NUMB: variants seen among roughly 807,000 people sequenced by gnomAD.
NUMB encodes the protein protein numb homolog.
Under a neutral mutation model 59.7 loss-of-function variants are expected in NUMB, and 29 were observed. That is an observed-to-expected ratio of 0.49 (90% CI 0.36 to 0.66). The LOEUF is 0.66. Ranked by LOEUF, NUMB falls within the 30% of genes least tolerant of loss-of-function variation. NUMB has a pLI of 0.00. For missense variants in NUMB, 723 were observed against 822.0 expected (o/e 0.88, Z 1.47); for synonymous variants, 288 against 288.2 (o/e 1.00, Z 0.01).
At chr14:73,417,558 A>G (rs1276449627) in intron 1 of NUMB, among the ~76,000 whole-genome samples, 4 of 152,118 alleles carry the variant, frequency 2.6e-5, no homozygotes, top group African/African-American at 9.7e-5. Context: ...TCTCAAAAAA[A>G]AAAAAAGGTA....
At chr14:73,402,998 G>A (rs1199397157) in intron 2 of NUMB, among the ~76,000 whole-genome samples, 1 of 152,080 alleles carries the variant, frequency 6.6e-6, no homozygotes, top group Non-Finnish European at 1.5e-5. Flanking sequence ...TACTCAAAAG[G>A]CCATTCCCAA....
intron 11 of NUMB, 59 bp from the exon 12 acceptor site, chr14:73,279,483 C>G: frequency 6.7e-7 from 1 of 1,486,042 alleles, no homozygotes; most frequent in Non-Finnish European, 9.0e-7. Context: ...ACAAGTGACC[C>G]CTTGGAGCTG....
At chr14:73,390,810 C>T (rs533015269) in intron 2 of NUMB, among the ~76,000 whole-genome samples, 2 of 151,462 alleles carry the variant, frequency 1.3e-5, no homozygotes, top group South Asian at 2.1e-4. Flanking sequence ...CCACCACGCC[C>T]GGCTAATTTT....
At chr14:73,446,874 A>G (rs767394671) in intron 1 of NUMB, among the ~76,000 whole-genome samples, 11 of 152,030 alleles carry the variant, frequency 7.2e-5, no homozygotes, top group Non-Finnish European at 1.5e-4. Context: ...CCCCAGTTCT[A>G]TTTTTAAATA....
intron 11 of NUMB, among the ~76,000 whole-genome samples, chr14:73,280,686 ATTTTT>A (rs397852698): frequency 1.1e-5 from 1 of 87,720 alleles, no homozygotes; most frequent in East Asian, 3.3e-4. Context: ...TGTTGGTACT[ATTTTT>A]TTTTTTTTTT....
chr14:73,379,506 A>G (rs1895127898), intron 2 of NUMB, among the ~76,000 whole-genome samples: 1 of 152,258 alleles, frequency 6.6e-6, no homozygotes, highest in Non-Finnish European at 1.5e-5. Context: ...TGAGACATAT[A>G]AAGAAAAATC....
chr14:73,420,953 A>G (rs1361693565), intron 1 of NUMB, among the ~76,000 whole-genome samples: 1 of 152,194 alleles, frequency 6.6e-6, no homozygotes, highest in Non-Finnish European at 1.5e-5. Flanking sequence ...CATAAGCAAG[A>G]ATATTTTTGT....
Position 73,304,769 on chromosome 14 carries a change from G to GT in NUMB, c.235-7485dup, listed in dbSNP as rs574547847. ...GAGTTGGAGGAATGAGTTTTGTTTT[G>GT]TTTTTTTTGAGGCAGAGTCTTGCTC... On this transcript the variant is annotated intron_variant, in intron 6 of 12. Transcript: ENST00000555238. 6.4e-3 allele frequency among the ~76,000 whole-genome samples: 977 copies of GT among 151,764 alleles called. 4 individuals are homozygous for GT. The highest frequency in any genetic ancestry group is 0.011 in the Non-Finnish European group (719 of 67,896).
At chr14:73,389,142 G>A (rs1372243416) in intron 2 of NUMB, among the ~76,000 whole-genome samples, 4 of 145,462 alleles carry the variant, frequency 2.7e-5, no homozygotes, top group Non-Finnish European at 4.5e-5. Flanking sequence ...GTGGTGGTGC[G>A]CACCTGTACT....
At chr14:73,410,890 G>A (rs1223675176) in intron 1 of NUMB, among the ~76,000 whole-genome samples, 5 of 152,170 alleles carry the variant, frequency 3.3e-5, no homozygotes, top group Non-Finnish European at 5.9e-5. Flanking sequence ...TACCCAAAAC[G>A]TAAGATTAGT....
intron 2 of NUMB, among the ~76,000 whole-genome samples, chr14:73,373,705 CTTTTTTTTTT>C: frequency 7.8e-6 from 1 of 127,718 alleles, no homozygotes; most frequent in South Asian, 2.6e-4. Context: ...GGAAAGCTTC[CTTTTTTTTTT>C]TTTTTTTTTT....
chr14:73,280,111 C>T (rs1888512218), intron 11 of NUMB, among the ~76,000 whole-genome samples: 3 of 152,020 alleles, frequency 2.0e-5, no homozygotes, highest in African/African-American at 7.2e-5. Context: ...GAGCCTAGAT[C>T]ACACCACTGC....
rs771794534 is a variant in NUMB, at chr14:73,312,121, C to T, written c.234+4269G>A. 1.1e-3 allele frequency among the ~76,000 whole-genome samples: 165 copies of T among 152,302 alleles called. 2 individuals carry two copies. The highest frequency in any genetic ancestry group is 3.2e-3 in the Admixed American group (49 of 15,296). Reference sequence around the variant, plus strand: ...TAACATAAGAAAAGAATTCTGGGTGCTGTGGCTCATGCCTGTAATCCCAGC... The same window carrying T: ...TAACATAAGAAAAGAATTCTGGGTGTTGTGGCTCATGCCTGTAATCCCAGC... On this transcript the variant is annotated intron_variant, in intron 6 of 12. Transcript: ENST00000555238.
chr14:73,423,790 T>A (rs1897460177), intron 1 of NUMB, among the ~76,000 whole-genome samples: 2 of 150,698 alleles, frequency 1.3e-5, no homozygotes, highest in South Asian at 2.1e-4. Context: ...AGCCTGGGCG[T>A]CAGAGCAAGA....
intron 1 of NUMB, among the ~76,000 whole-genome samples, chr14:73,444,645 G>A (rs1883330317): frequency 6.6e-6 from 1 of 151,776 alleles, no homozygotes; most frequent in African/African-American, 2.4e-5. Context: ...AGATCACAAG[G>A]TCAAGAGATC....
intron 1 of NUMB, among the ~76,000 whole-genome samples, chr14:73,435,908 AT>A (rs910571437): frequency 6.6e-6 from 1 of 151,618 alleles, no homozygotes; most frequent in Non-Finnish European, 1.5e-5. Context: ...TGGGAGGCTG[AT>A]GTGAGAGAAT....
chr14:73,317,680 A>G (rs568191500), intron 5 of NUMB, among the ~76,000 whole-genome samples: 2 of 152,222 alleles, frequency 1.3e-5, no homozygotes, highest in Non-Finnish European at 2.9e-5. Flanking sequence ...TGGATAACAG[A>G]GGCATAACTA....
chr14:73,283,995 G>C, intron 10 of NUMB, 86 bp downstream of exon 10: 2 of 1,272,200 alleles, frequency 1.6e-6, no homozygotes, highest in Non-Finnish European at 2.2e-6. Context: ...GGAATGCCTA[G>C]TTTAATGGGA....
At chr14:73,395,488 G>A (rs538930502) in intron 2 of NUMB, among the ~76,000 whole-genome samples, 1 of 152,164 alleles carries the variant, frequency 6.6e-6, no homozygotes, top group African/African-American at 2.4e-5. Flanking sequence ...CCTGGCAGTG[G>A]TGTGTCCCTA....
Sources: gnomAD v4.1 joint callset for allele counts (sites outside exome capture counted in the v4.1 genomes callset) on GRCh38, gnomAD v4.1.1 for gene constraint, MANE v1.5 for transcripts, NCBI Gene and HGNC (gene_info 2026-07-23, HGNC 2026-07-21) for gene names.